CSMD3: variants seen among roughly 807,000 people sequenced by gnomAD.
CSMD3 encodes the protein CUB and Sushi multiple domains 3.
CSMD3 carries 177 observed loss-of-function variants against 435.2 expected under a neutral mutation model. The ratio of observed to expected loss-of-function variants is 0.41; its 90% CI spans 0.36 to 0.46. The LOEUF (loss-of-function observed/expected upper bound fraction) is 0.46, where lower values mean the gene tolerates loss of function less well. Among genes scored for constraint, CSMD3 ranks in the 20% least tolerant of loss-of-function variants. CSMD3 has a pLI of 0.34. For missense variants in CSMD3, 4,265 were observed against 4,504.6 expected (o/e 0.95, Z 1.52); for synonymous variants, 1,656 against 1,520.5 (o/e 1.09, Z -2.07).
At chr8:112,860,828 A>T (rs1254587578) in intron 10 of CSMD3, among the ~76,000 whole-genome samples, 2 of 151,836 alleles carry the variant, frequency 1.3e-5, no homozygotes, top group African/African-American at 4.8e-5. Flanking sequence ...CTTAAGTAGC[A>T]TAATTCTAAA....
At chr8:113,182,553 CAACAAA>C (rs796402832) in intron 3 of CSMD3, among the ~76,000 whole-genome samples, 1,907 of 151,050 alleles carry the variant, frequency 0.013, 47 homozygotes, top group African/African-American at 0.044. Flanking sequence ...AACAAAAAAA[CAACAAA>C]AACAAAAACA....
chr8:113,346,139 G>T (rs1321278753), intron 1 of CSMD3, among the ~76,000 whole-genome samples: 1 of 151,972 alleles, frequency 6.6e-6, no homozygotes, highest in Non-Finnish European at 1.5e-5. Context: ...AACAAAACTG[G>T]AAGATCAATA....
At chr8:112,381,441 G>T (rs147174300) in intron 37 of CSMD3, among the ~76,000 whole-genome samples, 84 of 152,308 alleles carry the variant, frequency 5.5e-4, no homozygotes, top group African/African-American at 1.9e-3. Context: ...ACCTCTAGCA[G>T]TTTCAAATGG....
chr8:112,591,835 T>C (rs558127434), intron 22 of CSMD3, among the ~76,000 whole-genome samples: 1 of 152,164 alleles, frequency 6.6e-6, no homozygotes, highest in South Asian at 2.1e-4. Context: ...AGATTTTTTT[T>C]CATTTTTATC....
At position 113,253,093 on chromosome 8, in the gene CSMD3, A is replaced by G. The variant is rs141390533; in HGVS notation, c.514+25499T>C. 5.3e-3 allele frequency among the ~76,000 whole-genome samples: 811 copies of G among 152,276 alleles called. 5 individuals are homozygous for G. Among genetic ancestry groups the G allele is most frequent in the Middle Eastern group, 0.01 (3 of 294 alleles). On this transcript the variant is annotated intron_variant, in intron 3 of 70. Transcript: ENST00000297405. ...TAAAAGAAAAGCACAGAATCCAGAT[A>G]AGAGCTAAATCCATGCAATCCCACA...
intron 6 of CSMD3, among the ~76,000 whole-genome samples, chr8:112,987,715 T>C (rs1447425569): frequency 6.6e-6 from 1 of 152,096 alleles, no homozygotes; most frequent in East Asian, 1.9e-4. Flanking sequence ...AGTCAATATG[T>C]TATTTACTTA....
intron 10 of CSMD3, among the ~76,000 whole-genome samples, chr8:112,910,706 A>G (rs1236064336): frequency 6.6e-6 from 1 of 151,814 alleles, no homozygotes; most frequent in Non-Finnish European, 1.5e-5. Context: ...TCCTCATTGC[A>G]TGTCCTTTTC....
At chr8:112,819,005 T>A (rs936116035) in intron 12 of CSMD3, among the ~76,000 whole-genome samples, 1 of 152,136 alleles carries the variant, frequency 6.6e-6, no homozygotes, top group African/African-American at 2.4e-5. Flanking sequence ...TATTTTACTG[T>A]TTGTTTGCAA....
At chr8:113,294,878 A>C (rs1253189705) in intron 2 of CSMD3, among the ~76,000 whole-genome samples, 1 of 152,134 alleles carries the variant, frequency 6.6e-6, no homozygotes, top group Non-Finnish European at 1.5e-5. Flanking sequence ...GAGTCATAGA[A>C]GCCAAGATTT....
chr8:112,483,523 T>G (rs1052005391), intron 31 of CSMD3, among the ~76,000 whole-genome samples: 22 of 152,050 alleles, frequency 1.4e-4, no homozygotes, highest in African/African-American at 5.1e-4. Context: ...AGGTTTAAAT[T>G]CCAGCTTCAG....
chr8:113,109,796 C>G (rs1421464838), intron 4 of CSMD3, among the ~76,000 whole-genome samples: 1 of 152,186 alleles, frequency 6.6e-6, no homozygotes, highest in African/African-American at 2.4e-5. Flanking sequence ...AGTGGAAACT[C>G]TTCATGGTGG....
intron 3 of CSMD3, among the ~76,000 whole-genome samples, chr8:113,258,048 T>G (rs1244630078): frequency 6.6e-6 from 1 of 152,220 alleles, no homozygotes; most frequent in Non-Finnish European, 1.5e-5. Flanking sequence ...AGTACACTAT[T>G]ATCTGTAAGT....
chr8:112,884,364 A>G (rs546335392), intron 10 of CSMD3, among the ~76,000 whole-genome samples: 8 of 151,930 alleles, frequency 5.3e-5, no homozygotes, highest in African/African-American at 1.9e-4. Context: ...TAGCAGACTA[A>G]AAATACTAGA....
At chr8:112,776,695 G>A (rs2078254532) in intron 13 of CSMD3, among the ~76,000 whole-genome samples, 1 of 151,700 alleles carries the variant, frequency 6.6e-6, no homozygotes, top group Non-Finnish European at 1.5e-5. Flanking sequence ...ATTCCTGGAT[G>A]CTAATGAATA....
At chr8:112,556,999 G>A (rs747872877) in intron 24 of CSMD3, 45 bp from the exon 25 acceptor site, 1 of 1,189,012 alleles carries the variant, frequency 8.4e-7, no homozygotes, top group Non-Finnish European at 1.3e-6. Flanking sequence ...TTTAGGAGGA[G>A]GATTTAAATC....
At chr8:112,463,267 C>A (rs912378819) in intron 32 of CSMD3, among the ~76,000 whole-genome samples, 2 of 152,130 alleles carry the variant, frequency 1.3e-5, no homozygotes. Flanking sequence ...CAGGCTGAGA[C>A]AAGAGAATCA....
Position 112,682,601 on chromosome 8 carries a change from G to T in CSMD3, c.2518C>A (p.Pro840Thr), listed in dbSNP as rs770956958. 1 of 1,613,204 alleles carries T rather than the reference G, an allele frequency of 6.2e-7. No homozygotes were observed. The highest frequency in any genetic ancestry group is 1.3e-5 in the African/African-American group (1 of 74,876). ...TCCCCAAACCGCCGTGCATTGATTGGTATTCCAGGATCAGGGCATTCATTA... is the reference window on the plus strand; with the variant it reads ...TCCCCAAACCGCCGTGCATTGATTGTTATTCCAGGATCAGGGCATTCATTA... Reference protein sequence around the residue: ...GHNECPDPGIPINARRFGDNF... With the variant: ...GHNECPDPGITINARRFGDNF... Residue 840 changes from proline to threonine, a missense_variant, in exon 16 of 71, where the codon CCA becomes ACA. Pro to Thr is a conservative substitution (Grantham distance 38). This residue lies in a region of CSMD3 where 279 missense variants were observed against 369.0 expected (regional missense o/e 0.76). Coordinates refer to ENST00000297405, the MANE Select transcript of CSMD3 (RefSeq NM_198123.2).
At chr8:113,281,357 C>T (rs190849059) in intron 2 of CSMD3, among the ~76,000 whole-genome samples, 101 of 151,804 alleles carry the variant, frequency 6.7e-4, no homozygotes, top group African/African-American at 1.9e-3. Flanking sequence ...TCCAGTGTTA[C>T]GTGCATGTAT....
At chr8:112,809,086 A>G (rs1288873227) in intron 12 of CSMD3, among the ~76,000 whole-genome samples, 1 of 152,190 alleles carries the variant, frequency 6.6e-6, no homozygotes, top group Non-Finnish European at 1.5e-5. Context: ...CTTTGAACTA[A>G]TGGTTGCCAG....
Sources: gnomAD v4.1 joint callset for allele counts (sites outside exome capture counted in the v4.1 genomes callset) on GRCh38, gnomAD v4.1.1 for gene constraint, gnomAD v4.1.1 regional missense constraint, MANE v1.5 for transcripts, NCBI Gene and HGNC (gene_info 2026-07-23, HGNC 2026-07-21) for gene names.